THSD7A: variants seen among roughly 807,000 people sequenced by gnomAD.
THSD7A encodes thrombospondin type 1 domain containing 7A, also known as thrombospondin type-1 domain-containing protein 7A.
In THSD7A, 96 loss-of-function variants were observed where a neutral mutation model predicts 231.3. The observed-to-expected ratio is 0.41, with a 90% CI of 0.35 to 0.49. THSD7A has a LOEUF of 0.49. Ranked by LOEUF, THSD7A falls within the 20% of genes least tolerant of loss-of-function variation. The pLI, the probability that THSD7A is intolerant of heterozygous loss-of-function variation, is 0.05. For missense variants in THSD7A, 2,290 were observed against 2,070.2 expected (o/e 1.11, Z -2.06); for synonymous variants, 940 against 743.3 (o/e 1.26, Z -4.30).
At chr7:11,824,905 T>C (rs1379568524) in intron 1 of THSD7A, among the ~76,000 whole-genome samples, 1 of 152,158 alleles carries the variant, frequency 6.6e-6, no homozygotes, top group African/African-American at 2.4e-5. Context: ...TACCCTGAGA[T>C]ACAATAATAA....
intron 6 of THSD7A, among the ~76,000 whole-genome samples, chr7:11,536,935 A>C (rs1206527922): frequency 6.6e-6 from 1 of 152,164 alleles, no homozygotes; most frequent in Admixed American, 6.5e-5. Flanking sequence ...CTGAAAAAAA[A>C]TTCAGTATTC....
intron 1 of THSD7A, among the ~76,000 whole-genome samples, chr7:11,799,773 G>C (rs189438766): frequency 2.8e-4 from 43 of 152,220 alleles, no homozygotes; most frequent in Non-Finnish European, 5.7e-4. Context: ...GCTACACAAA[G>C]CTAGATCAAA....
chr7:11,675,527 G>A (rs1346808756), intron 1 of THSD7A, among the ~76,000 whole-genome samples: 1 of 152,146 alleles, frequency 6.6e-6, no homozygotes, highest in African/African-American at 2.4e-5. Flanking sequence ...TGAAATTATT[G>A]CTGCCAGCAC....
At position 11,678,298 on chromosome 7, in the gene THSD7A, A is replaced by T. The variant is rs540912196; in HGVS notation, c.191-41337T>A. On this transcript the variant is annotated intron_variant, in intron 1 of 27. Transcript: ENST00000423059. ...CAATTAAAAGAACTAGAGAATCAAG[A>T]GCAAACAAATCCAAAAGGTAGCAGA... is the stretch of plus-strand genomic sequence containing the variant. Among the ~76,000 whole-genome samples, 19 of 152,302 alleles carry T rather than the reference A, an allele frequency of 1.2e-4. No homozygotes were observed. In the South Asian group the frequency reaches 3.9e-3, roughly 32 times the overall value.
intron 2 of THSD7A, among the ~76,000 whole-genome samples, chr7:11,596,076 A>G (rs1168513319): frequency 6.6e-6 from 1 of 152,200 alleles, no homozygotes; most frequent in Non-Finnish European, 1.5e-5. Flanking sequence ...CCCCTCAATC[A>G]ATTTCCAGGC....
At chr7:11,611,961 A>G (rs1780948907) in intron 2 of THSD7A, among the ~76,000 whole-genome samples, 1 of 152,112 alleles carries the variant, frequency 6.6e-6, no homozygotes, top group Non-Finnish European at 1.5e-5. Context: ...CCAAACTCAT[A>G]GAATTGCTGC....
At chr7:11,700,669 T>C (rs1467182284) in intron 1 of THSD7A, among the ~76,000 whole-genome samples, 3 of 151,230 alleles carry the variant, frequency 2.0e-5, no homozygotes, top group Non-Finnish European at 4.4e-5. Context: ...CTCACAATCA[T>C]GTCTAAAAAT....
chr7:11,674,037 C>T (rs1251886879), intron 1 of THSD7A, among the ~76,000 whole-genome samples: 1 of 151,864 alleles, frequency 6.6e-6, no homozygotes, highest in Admixed American at 6.6e-5. Context: ...CCAACACACA[C>T]CGACTCTACA....
At chr7:11,602,715 T>A (rs904226791) in intron 2 of THSD7A, among the ~76,000 whole-genome samples, 2 of 151,784 alleles carry the variant, frequency 1.3e-5, no homozygotes, top group African/African-American at 4.8e-5. Flanking sequence ...AAGTCTAGAA[T>A]AAGACCTCCT....
At chr7:11,650,262 C>T (rs1048398951) in intron 1 of THSD7A, among the ~76,000 whole-genome samples, 1 of 151,954 alleles carries the variant, frequency 6.6e-6, no homozygotes, top group African/African-American at 2.4e-5. Context: ...AGGGAAAATA[C>T]AAGTTGGTTG....
intron 1 of THSD7A, among the ~76,000 whole-genome samples, chr7:11,758,785 C>T (rs1182541086): frequency 3.3e-5 from 5 of 151,872 alleles, no homozygotes; most frequent in Non-Finnish European, 5.9e-5. Flanking sequence ...TGTAGATGAC[C>T]GGATAGTAAA....
chr7:11,691,430 G>A (rs1404824046), intron 1 of THSD7A, among the ~76,000 whole-genome samples: 1 of 151,420 alleles, frequency 6.6e-6, no homozygotes, highest in East Asian at 2.0e-4. Context: ...TGAAATAAGA[G>A]TATAAACTAA....
At chr7:11,616,259 T>C (rs1300158641) in intron 2 of THSD7A, among the ~76,000 whole-genome samples, 1 of 152,190 alleles carries the variant, frequency 6.6e-6, no homozygotes, top group East Asian at 1.9e-4. Flanking sequence ...GTTGTTATGG[T>C]TCTCAATCTC....
chr7:11,509,133 T>C (rs1056554156), intron 6 of THSD7A, among the ~76,000 whole-genome samples: 1 of 152,238 alleles, frequency 6.6e-6, no homozygotes, highest in African/African-American at 2.4e-5. Context: ...TTACATATAA[T>C]TTTTAAATCT....
At chr7:11,546,221 C>CAA (rs1302436533) in intron 4 of THSD7A, among the ~76,000 whole-genome samples, 4 of 149,250 alleles carry the variant, frequency 2.7e-5, no homozygotes, top group Admixed American at 2.1e-4. Context: ...CACACACACA[C>CAA]ACACACACAC....
intron 1 of THSD7A, among the ~76,000 whole-genome samples, chr7:11,715,780 C>T (rs1781115925): frequency 6.6e-6 from 1 of 151,442 alleles, no homozygotes; most frequent in South Asian, 2.1e-4. Context: ...GTCTATTTTC[C>T]CTCCTTAATC....
chr7:11,487,972 A>AT, intron 6 of THSD7A, among the ~76,000 whole-genome samples: 1 of 152,134 alleles, frequency 6.6e-6, no homozygotes, highest in Non-Finnish European at 1.5e-5. Context: ...TTTATGGTTG[A>AT]TTTTAACAGT....
intron 1 of THSD7A, among the ~76,000 whole-genome samples, chr7:11,765,245 C>T (rs1321631809): frequency 6.6e-6 from 1 of 152,136 alleles, no homozygotes; most frequent in African/African-American, 2.4e-5. Context: ...CATGCTGTTG[C>T]TCATACATAC....
At chr7:11,541,273 GA>G (rs1178066887) in intron 6 of THSD7A, 145 bp downstream of exon 6, 16 of 761,346 alleles carry the variant, frequency 2.1e-5, no homozygotes, top group Non-Finnish European at 3.1e-5. Context: ...GACAGGGAAA[GA>G]GAGGGAGGGA....
Sources: gnomAD v4.1 joint callset for allele counts (sites outside exome capture counted in the v4.1 genomes callset) on GRCh38, gnomAD v4.1.1 for gene constraint, MANE v1.5 for transcripts, NCBI Gene and HGNC (gene_info 2026-07-23, HGNC 2026-07-21) for gene names.